Variants in STRN observed in about 807,000 individuals in gnomAD.
The protein encoded by STRN is protein phosphatase 2 regulatory subunit B'''alpha.
In STRN, 53 loss-of-function variants were observed where a neutral mutation model predicts 96.3. The ratio of observed to expected loss-of-function variants is 0.55; its 90% CI spans 0.44 to 0.69. The LOEUF is 0.69. Among genes scored for constraint, STRN ranks in the 30% least tolerant of loss-of-function variants. The probability of loss-of-function intolerance (pLI) is 0.00; values close to 1 mark genes in which losing one functional copy is unlikely to be tolerated. For synonymous variants in STRN, 428 were observed against 355.9 expected, an observed-to-expected ratio of 1.20 and a Z score of -2.28; for missense variants, 987 against 963.9, an observed-to-expected ratio of 1.02 and a Z score of -0.32.
Position 36,873,521 on chromosome 2 carries a change from T to C in STRN, c.1324-3792A>G, listed in dbSNP as rs551827730. Among the ~76,000 whole-genome samples the C allele has an allele frequency of 7.9e-5, 12 of 152,098 alleles. No homozygotes were observed. In the East Asian group the frequency reaches 2.1e-3, roughly 27 times the overall value. On this transcript the variant is annotated intron_variant, in intron 10 of 17. Coordinates refer to ENST00000263918, the MANE Select transcript of STRN (RefSeq NM_003162.4). ...GTTGCAGTGAGTCAAGATTATGCCA[T>C]TGCACACCAGCCTGGGTAAGACAGT...
At chr2:36,943,610 C>G (rs1051320689) in intron 1 of STRN, among the ~76,000 whole-genome samples, 2 of 151,484 alleles carry the variant, frequency 1.3e-5, no homozygotes, top group African/African-American at 4.9e-5. Context: ...CAAGACCATC[C>G]CGGCTAACAC....
chr2:36,898,425 T>C (rs1389008751), intron 6 of STRN, among the ~76,000 whole-genome samples: 1 of 152,242 alleles, frequency 6.6e-6, no homozygotes, highest in African/African-American at 2.4e-5. Flanking sequence ...GGCAGGGCTT[T>C]ACCAGTAGAG....
Position 36,841,327 on chromosome 2 carries a change from G to A in STRN, c.*8129C>T, listed in dbSNP as rs908712457. 1.3e-5 allele frequency: 2 copies of A among 152,024 alleles called. No individual in the cohort carries two copies. The highest frequency in any genetic ancestry group is 4.8e-5 in the African/African-American group (2 of 41,380). 9.4% of individuals were successfully genotyped at this position (152,024 alleles called of 1,614,324 possible). ...TACAAGGAAACTGAACAAATACCAG[G>A]CAGCAAAATACTGAGACATTTACCA... On this transcript the variant is annotated 3_prime_UTR_variant, in exon 18 of 18. Coordinates refer to ENST00000263918, the MANE Select transcript of STRN (RefSeq NM_003162.4).
chr2:36,886,851 C>T (rs367663668), intron 7 of STRN, 25 bp from the exon 8 acceptor site: 210 of 1,574,548 alleles, frequency 1.3e-4, no homozygotes, highest in Non-Finnish European at 1.8e-4. Flanking sequence ...ACAAATGAAA[C>T]AGCCTTTTTC....
At chr2:36,910,104 C>T (rs1341027634) in intron 3 of STRN, among the ~76,000 whole-genome samples, 1 of 144,224 alleles carries the variant, frequency 6.9e-6, no homozygotes, top group Non-Finnish European at 1.5e-5. Context: ...ACCTGGGAGG[C>T]GGAGGCTGCA....
At chr2:36,904,860 G>C (rs1311635160) in intron 4 of STRN, among the ~76,000 whole-genome samples, 1 of 151,854 alleles carries the variant, frequency 6.6e-6, no homozygotes, top group Non-Finnish European at 1.5e-5. Flanking sequence ...ATGAATGAAT[G>C]AATGAAATAT....
chr2:36,852,832 A>C lies in STRN; in HGVS notation c.1979-1725T>G, dbSNP rs541905529. 3.0e-3 allele frequency among the ~76,000 whole-genome samples: 457 copies of C among 152,270 alleles called. 2 individuals carry two copies. The highest frequency in any genetic ancestry group is 6.8e-3 in the Middle Eastern group (2 of 294). ...CTGAAGACAGTCTTTTCCCAATGCT[A>C]GTGGCAGGTAATTACCCAGCCTGTT... On this transcript the variant is annotated intron_variant, in intron 15 of 17. Transcript: ENST00000263918.
intron 3 of STRN, among the ~76,000 whole-genome samples, chr2:36,907,558 A>G (rs1669856736): frequency 1.3e-5 from 2 of 152,170 alleles, no homozygotes; most frequent in African/African-American, 4.8e-5. Flanking sequence ...AAAAAAAAAA[A>G]GAAAGAAATT....
intron 1 of STRN, among the ~76,000 whole-genome samples, chr2:36,960,673 T>C (rs1011488656): frequency 2.0e-5 from 3 of 152,206 alleles, no homozygotes; most frequent in Middle Eastern, 3.2e-3. Context: ...ACGGCAAATA[T>C]GTATTTTAGG....
intron 6 of STRN, among the ~76,000 whole-genome samples, chr2:36,898,718 T>G (rs1669606484): frequency 6.6e-6 from 1 of 152,206 alleles, no homozygotes; most frequent in Admixed American, 6.5e-5. Flanking sequence ...AACCCAAGTC[T>G]TTTAGTTAGA....
At position 36,849,101 on chromosome 2, in the gene STRN, C is replaced by T. The variant is rs1045070402; in HGVS notation, c.*355G>A. On this transcript the variant is annotated 3_prime_UTR_variant, in exon 18 of 18. Coordinates refer to ENST00000263918, the MANE Select transcript of STRN (RefSeq NM_003162.4). ...CTTCTATTCAGTCCCAGCTATCAAGCTTTTAAATTATCCATTGTAGCATGC... is the reference window on the plus strand; with the variant it reads ...CTTCTATTCAGTCCCAGCTATCAAGTTTTTAAATTATCCATTGTAGCATGC... 1 of 191,524 alleles carries T rather than the reference C, an allele frequency of 5.2e-6. No homozygotes were observed. Among genetic ancestry groups the T allele is most frequent in the African/African-American group, 2.3e-5 (1 of 42,670 alleles). 11.9% of individuals were successfully genotyped at this position (191,524 alleles called of 1,614,324 possible). A position where few individuals can be genotyped will look rare whatever the true frequency, so the allele number is the denominator to read the frequency against.
In STRN at chr2:36,888,687, CCATTT is replaced by C. The variant is rs1191990033; in HGVS notation, c.932-1866_932-1862del. ...TGTGTGTGTGCATTTATTTACTTAT[CCATTT>C]ATTTTTGAGGCAGAATCTCATTCTA... On this transcript the variant is annotated intron_variant, in intron 7 of 17. Coordinates refer to ENST00000263918, the MANE Select transcript of STRN (RefSeq NM_003162.4). Among the ~76,000 whole-genome samples the C allele has an allele frequency of 5.7e-5, 8 of 140,630 alleles. No homozygotes were observed. The East Asian group carries it at 1.4e-3, about 25-fold the overall frequency. The allele number at this position is 140,630 out of a possible 152,430, so 92.3% of individuals were successfully genotyped here.
rs1558614875 is a variant in STRN at position 36,841,658 on chromosome 2, C to T, written c.*7798G>A. On this transcript the variant is annotated 3_prime_UTR_variant, in exon 18 of 18. Coordinates refer to ENST00000263918, the MANE Select transcript of STRN (RefSeq NM_003162.4). The stretch of plus-strand genomic sequence containing the variant: ...CTTGGCTACTTTAGGATATTTCTTA[C>T]ATGCCTGGTCTTCATCCTGACATAT... 2 of 152,210 alleles carry T rather than the reference C, an allele frequency of 1.3e-5. No homozygotes were observed. Among genetic ancestry groups the T allele is most frequent in the Non-Finnish European group, 2.9e-5 (2 of 68,046 alleles). 9.4% of individuals were successfully genotyped at this position (152,210 alleles called of 1,614,324 possible). A position where few individuals can be genotyped will look rare whatever the true frequency, so the allele number is the denominator to read the frequency against.
intron 15 of STRN, among the ~76,000 whole-genome samples, chr2:36,854,738 T>C (rs992796936): frequency 2.6e-5 from 4 of 152,186 alleles, no homozygotes; most frequent in African/African-American, 9.6e-5. Context: ...TAATATCTTC[T>C]TCATAACCTG....
intron 1 of STRN, among the ~76,000 whole-genome samples, chr2:36,933,335 G>GT (rs963689918): frequency 1.3e-5 from 2 of 152,154 alleles, no homozygotes; most frequent in South Asian, 2.1e-4. Flanking sequence ...AGCATCCACA[G>GT]TTTTTTGTAT....
At chr2:36,913,215 T>A (rs927330041) in intron 3 of STRN, among the ~76,000 whole-genome samples, 1 of 152,164 alleles carries the variant, frequency 6.6e-6, no homozygotes, top group African/African-American at 2.4e-5. Context: ...CTAATTAAGA[T>A]CCTTCAAATG....
intron 2 of STRN, among the ~76,000 whole-genome samples, chr2:36,923,055 T>C (rs1339747175): frequency 6.6e-6 from 1 of 151,730 alleles, no homozygotes; most frequent in Non-Finnish European, 1.5e-5. Flanking sequence ...GGCAGGAGAA[T>C]TGCTTGAACC....
In STRN at chr2:36,841,161, ATT is replaced by A. The variant is rs1667940964; in HGVS notation, c.*8293_*8294del. The A allele has an allele frequency of 7.1e-6, 1 of 141,296 alleles. No individual in the cohort carries two copies. Among genetic ancestry groups the A allele is most frequent in the African/African-American group, 2.6e-5 (1 of 38,602 alleles). The allele number at this position is 141,296 out of a possible 1,614,324, so 8.8% of individuals were successfully genotyped here. ...TACAGCAATGAGAAATAAGGAGCAC[ATT>A]CTTTTTTTTTTTTTTTAATCAAATC... On this transcript the variant is annotated 3_prime_UTR_variant, in exon 18 of 18. Transcript: ENST00000263918.
Position 36,857,951 on chromosome 2 carries a change from T to C in STRN, c.1742A>G (p.His581Arg). 6.2e-7 allele frequency: 1 copy of C among 1,613,874 alleles called. No individual in the cohort carries two copies. The highest frequency in any genetic ancestry group is 8.5e-7 in the Non-Finnish European group (1 of 1,179,872). The stretch of plus-strand genomic sequence containing the variant: ...TGCTGAACAGGACAACAAACGCTGA[T>C]GTGCTGCACTATAAGCCAAACCCCA... ...AVWGLAYSAA[H>R]QRLLSCSADG... Residue 581 changes from histidine (H) to arginine (R), a missense_variant, in exon 14 of 18, where the codon CAT (histidine) becomes CGT (arginine). Transcript: ENST00000263918.
Sources: gnomAD v4.1 joint callset for allele counts (sites outside exome capture counted in the v4.1 genomes callset) on GRCh38, gnomAD v4.1.1 for gene constraint, MANE v1.5 for transcripts, NCBI Gene and HGNC (gene_info 2026-07-23, HGNC 2026-07-21) for gene names.